ZNRF3: variants seen among roughly 807,000 people sequenced by gnomAD.
The protein encoded by ZNRF3 is zinc and ring finger 3, also known as E3 ubiquitin-protein ligase ZNRF3.
A neutral mutation model predicts 72.5 loss-of-function variants in ZNRF3; 23 were observed. The observed-to-expected ratio is 0.32, with a 90% CI of 0.23 to 0.45. The LOEUF is 0.45. Ranked by LOEUF, ZNRF3 falls within the 20% of genes least tolerant of loss-of-function variation. ZNRF3 has a pLI of 1.00. For synonymous variants in ZNRF3, 610 were observed against 545.3 expected, an observed-to-expected ratio of 1.12 and a Z score of -1.65; for missense variants, 1,169 against 1,272.1, an observed-to-expected ratio of 0.92 and a Z score of 1.23.
chr22:28,963,455 G>T (rs543296112), intron 1 of ZNRF3, among the ~76,000 whole-genome samples: 3 of 152,148 alleles, frequency 2.0e-5, no homozygotes, highest in Admixed American at 2.0e-4. Context: ...GCTGTTAATC[G>T]CAGGAGAGGG....
intron 1 of ZNRF3, among the ~76,000 whole-genome samples, chr22:28,932,311 TA>T (rs890059963): frequency 9.4e-5 from 14 of 148,176 alleles, no homozygotes; most frequent in Admixed American, 2.0e-4. Flanking sequence ...TCACCCAGGT[TA>T]AAAAAAAAAA....
intron 1 of ZNRF3, among the ~76,000 whole-genome samples, chr22:28,900,605 G>A (rs2034083786): frequency 6.6e-6 from 1 of 152,176 alleles, no homozygotes. Flanking sequence ...ACCTGTCCAG[G>A]TTCAACAGCT....
At position 29,054,062 on chromosome 22, in the gene ZNRF3, T is replaced by C. The variant is rs2037257032; in HGVS notation, c.*440T>C. 6.5e-6 allele frequency: 1 copy of C among 153,134 alleles called. No homozygotes were observed. The highest frequency in any genetic ancestry group is 1.9e-4 in the East Asian group (1 of 5,202). 9.5% of individuals were successfully genotyped at this position (153,134 alleles called of 1,614,324 possible). A position where few individuals can be genotyped will look rare whatever the true frequency, so the allele number is the denominator to read the frequency against. ...TGAACCACATCATGTGTAGATACTG[T>C]TGTCTCCCTGAAGGGAGCTCAGGCC... is the stretch of plus-strand genomic sequence containing the variant. On this transcript the variant is annotated 3_prime_UTR_variant, in exon 9 of 9. Coordinates refer to ENST00000544604, the MANE Select transcript of ZNRF3 (RefSeq NM_001206998.2).
chr22:29,033,864 C>T (rs1194374515), intron 2 of ZNRF3, among the ~76,000 whole-genome samples: 1 of 152,168 alleles, frequency 6.6e-6, no homozygotes, highest in African/African-American at 2.4e-5. Flanking sequence ...CACCTACATC[C>T]ACCCGAGCAA....
chr22:28,936,127 C>G (rs1321573022), intron 1 of ZNRF3, among the ~76,000 whole-genome samples: 2 of 152,156 alleles, frequency 1.3e-5, no homozygotes, highest in Admixed American at 6.5e-5. Context: ...CACCTTGGGG[C>G]TTTTATTGTG....
rs1448686592 is a variant in ZNRF3 at position 29,053,657 on chromosome 22, T to C, written c.*35T>C. The C allele has an allele frequency of 1.3e-6, 2 of 1,596,150 alleles. No individual in the cohort carries two copies. Among genetic ancestry groups the C allele is most frequent in the African/African-American group, 2.7e-5 (2 of 74,038 alleles). On this transcript the variant is annotated 3_prime_UTR_variant, in exon 9 of 9. Coordinates refer to ENST00000544604, the MANE Select transcript of ZNRF3 (RefSeq NM_001206998.2). ...GAACTCTTACCTGGAAATTGGGAAC[T>C]GTATGGAGACTCCAAACTGACTTCT...
chr22:28,905,234 G>C (rs1373469131), intron 1 of ZNRF3, among the ~76,000 whole-genome samples: 1 of 152,140 alleles, frequency 6.6e-6, no homozygotes, highest in African/African-American at 2.4e-5. Flanking sequence ...ACCTCACCTG[G>C]CCTTGAATGT....
At chr22:28,953,267 A>G (rs1204546702) in intron 1 of ZNRF3, among the ~76,000 whole-genome samples, 2 of 152,174 alleles carry the variant, frequency 1.3e-5, no homozygotes, top group Non-Finnish European at 2.9e-5. Flanking sequence ...TCCTAGCCAT[A>G]CCCTTGTTAT....
chr22:28,937,199 ATATATATATATATATATTTTTTTT>A (rs1181480670), intron 1 of ZNRF3, among the ~76,000 whole-genome samples: 2 of 6,206 alleles, frequency 3.2e-4, no homozygotes, highest in South Asian at 2.3e-3. Flanking sequence ...ATATATATAT[ATATATATATATATATATTTTTTTT>A]TTTTTTTTTT....
chr22:28,939,266 AGAGT>A (rs1238428069), intron 1 of ZNRF3, among the ~76,000 whole-genome samples: 1 of 144,048 alleles, frequency 6.9e-6, no homozygotes, highest in Non-Finnish European at 1.5e-5. Context: ...CCTGGGCAAC[AGAGT>A]GAGGCTCTAT....
chr22:28,991,384 G>C (rs2035952326), intron 2 of ZNRF3, among the ~76,000 whole-genome samples: 1 of 148,088 alleles, frequency 6.8e-6, no homozygotes, highest in Non-Finnish European at 1.5e-5. Context: ...GGGAAATTGA[G>C]AAAAAGATAA....
intron 1 of ZNRF3, among the ~76,000 whole-genome samples, chr22:28,893,523 G>T (rs2033932009): frequency 6.8e-6 from 1 of 147,430 alleles, no homozygotes; most frequent in Non-Finnish European, 1.5e-5. Flanking sequence ...TTCGAGACAA[G>T]TTCTGGCTCT....
chr22:29,026,775 G>T (rs2036644523), intron 2 of ZNRF3: 1 of 152,240 alleles, frequency 6.6e-6, no homozygotes, highest in African/African-American at 2.4e-5. Context: ...GCCATGCCAA[G>T]ACCTGGTGAC....
chr22:29,022,172 A>G (rs1234989494), intron 2 of ZNRF3, among the ~76,000 whole-genome samples: 1 of 152,228 alleles, frequency 6.6e-6, no homozygotes, highest in Non-Finnish European at 1.5e-5. Context: ...TGGATTGTGT[A>G]TAACAGTAGT....
intron 1 of ZNRF3, among the ~76,000 whole-genome samples, chr22:28,895,710 A>G (rs2033981504): frequency 1.3e-5 from 2 of 152,000 alleles, no homozygotes; most frequent in Non-Finnish European, 1.5e-5. Flanking sequence ...TTTTGCAGTG[A>G]GGGAACTGTG....
intron 2 of ZNRF3, among the ~76,000 whole-genome samples, chr22:29,038,787 T>C (rs965364238): frequency 6.6e-6 from 1 of 152,164 alleles, no homozygotes; most frequent in Non-Finnish European, 1.5e-5. Context: ...TCCTGGTGTG[T>C]GCAGGAAATA....
intron 5 of ZNRF3, among the ~76,000 whole-genome samples, chr22:29,045,887 C>T (rs551674081): frequency 3.3e-5 from 5 of 152,180 alleles, no homozygotes; most frequent in Non-Finnish European, 7.3e-5. Flanking sequence ...TCTATTCTGG[C>T]ATGATTGAGA....
chr22:28,918,630 A>G (rs1453526381), intron 1 of ZNRF3, among the ~76,000 whole-genome samples: 1 of 151,998 alleles, frequency 6.6e-6, no homozygotes, highest in African/African-American at 2.4e-5. Flanking sequence ...TAGTTAGAAT[A>G]CAGCCACCAA....
At chr22:28,903,627 CCTT>C (rs1173316276) in intron 1 of ZNRF3, among the ~76,000 whole-genome samples, 1 of 152,088 alleles carries the variant, frequency 6.6e-6, no homozygotes, top group Non-Finnish European at 1.5e-5. Context: ...GCATTCCTCT[CCTT>C]GAATGGAGAA....
Sources: gnomAD v4.1 joint callset for allele counts (sites outside exome capture counted in the v4.1 genomes callset) on GRCh38, gnomAD v4.1.1 for gene constraint, MANE v1.5 for transcripts, NCBI Gene and HGNC (gene_info 2026-07-23, HGNC 2026-07-21) for gene names.